Variants in PTGES2 observed in about 807,000 individuals in gnomAD.
PTGES2 encodes prostaglandin E synthase 2.
PTGES2 carries 35 observed loss-of-function variants against 44.5 expected under a neutral mutation model. That is an observed-to-expected ratio of 0.79 (90% confidence interval 0.60 to 1.04). PTGES2 has a LOEUF of 1.04. Among genes scored for constraint, PTGES2 ranks in the 50% least tolerant of loss-of-function variants. The pLI is 0.00. For synonymous variants in PTGES2, 221 were observed against 227.5 expected, an observed-to-expected ratio of 0.97 and a Z score of 0.26; for missense variants, 517 against 521.4, an observed-to-expected ratio of 0.99 and a Z score of 0.08.
upstream of PTGES2, chr9:128,128,208 C>T (rs1322133929): frequency 7.4e-6 from 3 of 403,966 alleles, no homozygotes; most frequent in South Asian, 3.5e-5. Context: ...CCTCATTGTC[C>T]GCTTCCTACT....
At chr9:128,124,987 G>C (rs549524977) in intron 2 of PTGES2, 2 of 778,102 alleles carry the variant, frequency 2.6e-6, no homozygotes, top group South Asian at 2.0e-5. Flanking sequence ...CTCAAACCCA[G>C]ATCGCTGATT....
Position 128,121,337 on chromosome 9 carries a change from C to T in PTGES2, c.1006-64G>A, listed in dbSNP as rs1253091009. The T allele has an allele frequency of 1.5e-5, 23 of 1,557,780 alleles. No individual in the cohort carries two copies. The South Asian group carries it at 2.4e-4, about 16-fold the overall frequency. On this transcript the variant is annotated intron_variant, in intron 6 of 6. Transcript: ENST00000338961. The stretch of plus-strand genomic sequence containing the variant: ...GACAGGCATCCAGACCTCCTTCGTT[C>T]CCTGCCAGCTGTGTGGCCAGGTCCC...
chr9:128,127,293 A>T (rs552995394), intron 1 of PTGES2, 146 bp downstream of exon 1: 2 of 613,118 alleles, frequency 3.3e-6, no homozygotes, highest in East Asian at 6.9e-5. Flanking sequence ...TTTACACAAA[A>T]GAATACAGAG....
At chr9:128,125,844 T>TG (rs1834599160) in intron 1 of PTGES2, among the ~76,000 whole-genome samples, 1 of 152,202 alleles carries the variant, frequency 6.6e-6, no homozygotes, top group East Asian at 1.9e-4. Context: ...CAGGGACCTC[T>TG]GGGGGCAGAG....
upstream of PTGES2, chr9:128,127,741 C>CGGGCGCGCGAAACGAAGACGCCG: frequency 8.0e-7 from 1 of 1,251,536 alleles, no homozygotes; most frequent in African/African-American, 1.6e-5. Flanking sequence ...GCGCCGCGGG[C>CGGGCGCGCGAAACGAAGACGCCG]GGGCGCGCGA....
In PTGES2 at chr9:128,127,556, C is replaced by T; in HGVS notation, c.162G>A (p.Gly54=). The T allele has an allele frequency of 5.4e-6, 7 of 1,285,996 alleles. No homozygotes were observed. The highest frequency in any genetic ancestry group is 6.9e-6 in the Non-Finnish European group (7 of 1,016,962). 79.7% of individuals were successfully genotyped at this position (1,285,996 alleles called of 1,614,324 possible). A position where few individuals can be genotyped will look rare whatever the true frequency, so the allele number is the denominator to read the frequency against. The change falls in exon 1 of 7, where the codon GGG becomes GGA. Residue 54 remains glycine (G), a synonymous_variant. Transcript: ENST00000338961. ...GPSPVAAARK[G]SPRLLGAAAL... Reference sequence around the variant, plus strand: ...CCGCAGCTCCCAGCAGCCGCGGGCTCCCCTTACGAGCTGCAGCCACGGGGC... The same window carrying T: ...CCGCAGCTCCCAGCAGCCGCGGGCTTCCCTTACGAGCTGCAGCCACGGGGC...
intron 6 of PTGES2, 47 bp from the exon 7 acceptor site, chr9:128,121,320 T>C: frequency 6.3e-7 from 1 of 1,581,830 alleles, no homozygotes; most frequent in Non-Finnish European, 8.6e-7. Flanking sequence ...TTGACAGGCA[T>C]CCAGACCTCC....
intron 6 of PTGES2, 139 bp downstream of exon 6, chr9:128,122,223 G>A (rs1834436407): frequency 9.9e-6 from 7 of 703,728 alleles, no homozygotes; most frequent in Middle Eastern, 2.5e-4. Flanking sequence ...ACTTCGAGGC[G>A]AGTTTCTGTC....
upstream of PTGES2, chr9:128,127,788 C>T (rs868732892): frequency 2.7e-5 from 33 of 1,223,550 alleles, 1 homozygote; most frequent in Middle Eastern, 3.2e-4. Flanking sequence ...GTTTAAAGGG[C>T]CAGGACTCTG....
intron 1 of PTGES2, among the ~76,000 whole-genome samples, chr9:128,125,740 G>C (rs1028130135): frequency 1.3e-5 from 2 of 152,154 alleles, no homozygotes; most frequent in Admixed American, 1.3e-4. Flanking sequence ...CCAGTCCCAA[G>C]GGGACACCAG....
chr9:128,127,374 G>T, intron 1 of PTGES2, 65 bp downstream of exon 1: 1 of 1,285,958 alleles, frequency 7.8e-7, no homozygotes, highest in South Asian at 2.6e-5. Context: ...TGACCCTGCG[G>T]GTTCCCAGGA....
chr9:128,124,652 TG>T, intron 2 of PTGES2, 102 bp from the exon 3 acceptor site: 1 of 1,356,392 alleles, frequency 7.4e-7, no homozygotes, highest in Non-Finnish European at 1.0e-6. Flanking sequence ...TATCCATTCC[TG>T]GGGACATGCC....
intron 6 of PTGES2, 102 bp from the exon 7 acceptor site, chr9:128,121,375 C>G: frequency 6.9e-7 from 1 of 1,441,628 alleles, no homozygotes; most frequent in East Asian, 2.5e-5. Context: ...CCCCTCCCCC[C>G]TTGGAGCTCG....
rs183522044 is a variant in PTGES2, at chr9:128,124,592, G to A, written c.478-42C>T. On this transcript the variant is annotated intron_variant, in intron 2 of 6. Coordinates refer to ENST00000338961, the MANE Select transcript of PTGES2 (RefSeq NM_025072.7). ...TGGTTTAATCAGAGGTTGCAACCCA[G>A]CCGCTGGGAGTCACCAGGGGCTCTT... The A allele has an allele frequency of 1.9e-6, 3 of 1,579,188 alleles. No homozygotes were observed. The East Asian group carries it at 6.7e-5, about 35-fold the overall frequency.
intron 1 of PTGES2, among the ~76,000 whole-genome samples, chr9:128,127,057 T>C (rs1834646159): frequency 6.6e-6 from 1 of 151,098 alleles, no homozygotes; most frequent in South Asian, 2.1e-4. Flanking sequence ...GGTGAGCCTA[T>C]AGTCCCAGCT....
In PTGES2 at chr9:128,123,571, G is replaced by T; in HGVS notation, c.686+131C>A. On this transcript the variant is annotated intron_variant, in intron 4 of 6. Transcript: ENST00000338961. The surrounding 1 kb of genome is among the most constrained non-coding windows in gnomAD (Gnocchi z 4.4). ...GCAGGAAGGTCTCTACTGAAATCCG[G>T]CATGGCCCGGCCCCAGCCCCGCTGG... The T allele has an allele frequency of 1.0e-6, 1 of 958,842 alleles. No individual in the cohort carries two copies. The highest frequency in any genetic ancestry group is 1.5e-6 in the Non-Finnish European group (1 of 657,126). 59.4% of individuals were successfully genotyped at this position (958,842 alleles called of 1,614,324 possible). A position where few individuals can be genotyped will look rare whatever the true frequency, so the allele number is the denominator to read the frequency against.
upstream of PTGES2, chr9:128,127,736 G>A: frequency 8.0e-7 from 1 of 1,251,736 alleles, no homozygotes; most frequent in Non-Finnish European, 1.0e-6. Flanking sequence ...CGCCGGCGCC[G>A]CGGGCGGGCG....
chr9:128,126,954 G>A (rs1395618108), intron 1 of PTGES2, among the ~76,000 whole-genome samples: 1 of 151,846 alleles, frequency 6.6e-6, no homozygotes, highest in Non-Finnish European at 1.5e-5. Context: ...CAAGGTGGGC[G>A]GATCACTTGA....
chr9:128,125,142 A>T (rs1834568846), intron 2 of PTGES2, 102 bp downstream of exon 2: 3 of 1,095,436 alleles, frequency 2.7e-6, no homozygotes, highest in Non-Finnish European at 3.9e-6. Flanking sequence ...AGGCACAAGG[A>T]TCACAAGTTC....
Sources: gnomAD v4.1 joint callset for allele counts (sites outside exome capture counted in the v4.1 genomes callset) on GRCh38, gnomAD v4.1.1 for gene constraint, Gnocchi (gnomAD v3.1) non-coding constraint, MANE v1.5 for transcripts, NCBI Gene and HGNC (gene_info 2026-07-23, HGNC 2026-07-21) for gene names.